Variants in CREB3L2 observed in about 807,000 individuals in gnomAD.
CREB3L2 encodes the protein cAMP responsive element binding protein 3 like 2.
CREB3L2 carries 23 observed loss-of-function variants against 57.2 expected under a neutral mutation model. The ratio of observed to expected loss-of-function variants is 0.40; its 90% confidence interval spans 0.29 to 0.57. The LOEUF (loss-of-function observed/expected upper bound fraction) is 0.57, where lower values mean the gene tolerates loss of function less well. Among genes scored for constraint, CREB3L2 ranks in the 20% least tolerant of loss-of-function variants. The probability of loss-of-function intolerance (pLI) is 0.42; values close to 1 mark genes in which losing one functional copy is unlikely to be tolerated. For synonymous variants in CREB3L2, 268 were observed against 265.1 expected, an observed-to-expected ratio of 1.01 and a Z score of -0.11; for missense variants, 628 against 634.7, an observed-to-expected ratio of 0.99 and a Z score of 0.11.
intron 2 of CREB3L2, among the ~76,000 whole-genome samples, chr7:137,923,218 C>G (rs1800375219): frequency 6.6e-6 from 1 of 152,108 alleles, no homozygotes. Flanking sequence ...ACATTGCTTT[C>G]TTATACTAAT....
At chr7:137,953,381 C>A in intron 1 of CREB3L2, 1 of 921,960 alleles carries the variant, frequency 1.1e-6, no homozygotes, top group Non-Finnish European at 1.5e-6. Flanking sequence ...AGCCTTCTAA[C>A]TTCTCTGCAC....
chr7:137,937,435 T>C (rs1282812218), intron 1 of CREB3L2, among the ~76,000 whole-genome samples: 1 of 152,174 alleles, frequency 6.6e-6, no homozygotes, highest in African/African-American at 2.4e-5. Flanking sequence ...AGAAGGGACC[T>C]GCCTTCAAAA....
Position 137,878,560 on chromosome 7 carries a change from T to C in CREB3L2, c.*1916A>G. The C allele has an allele frequency of 4.3e-6, 1 of 233,152 alleles. No individual in the cohort carries two copies. The highest frequency in any genetic ancestry group is 8.5e-6 in the Non-Finnish European group (1 of 118,176). 14.4% of individuals were successfully genotyped at this position (233,152 alleles called of 1,614,324 possible). ...CAGAAGCAGAACCTACTAGCAACCCTCCTCCTGCACAGCTCAGACAGTCTC... is the reference window on the plus strand; with the variant it reads ...CAGAAGCAGAACCTACTAGCAACCCCCCTCCTGCACAGCTCAGACAGTCTC... On this transcript the variant is annotated 3_prime_UTR_variant, in exon 12 of 12. Transcript: ENST00000330387.
At chr7:137,959,772 G>A (rs1006596873) in intron 1 of CREB3L2, among the ~76,000 whole-genome samples, 17 of 152,312 alleles carry the variant, frequency 1.1e-4, no homozygotes, top group African/African-American at 2.9e-4. Flanking sequence ...TAAATTATCC[G>A]AAGTAAACTG....
At chr7:137,888,916 G>A (rs1424381) in intron 8 of CREB3L2, among the ~76,000 whole-genome samples, 1,531 of 152,080 alleles carry the variant, frequency 0.01, 33 homozygotes, top group African/African-American at 0.034. Context: ...GCTTCAGTTA[G>A]TACCTTTCCA....
chr7:137,948,432 A>G (rs1801039948), intron 1 of CREB3L2, among the ~76,000 whole-genome samples: 1 of 152,186 alleles, frequency 6.6e-6, no homozygotes, highest in Non-Finnish European at 1.5e-5. Flanking sequence ...TAGCTTCTCC[A>G]TCTCCTCCAA....
At chr7:137,971,464 A>C (rs35010113) in intron 1 of CREB3L2, among the ~76,000 whole-genome samples, 4,560 of 151,566 alleles carry the variant, frequency 0.03, 282 homozygotes, top group Admixed American at 0.16. Flanking sequence ...AAAAAAAAAA[A>C]ATTTTGGATG....
intron 1 of CREB3L2, among the ~76,000 whole-genome samples, chr7:137,936,466 AGT>A (rs761433459): frequency 6.6e-6 from 1 of 152,066 alleles, no homozygotes; most frequent in African/African-American, 2.4e-5. Context: ...TGTGCATGTG[AGT>A]GTGTGAGTGC....
chr7:137,953,258 T>C (rs1801137705), intron 1 of CREB3L2: 3 of 360,646 alleles, frequency 8.3e-6, no homozygotes, highest in Admixed American at 3.7e-5. Context: ...CTGTAGTTTA[T>C]GTTAAGTGGG....
chr7:137,917,887 C>T (rs924664071), intron 2 of CREB3L2, among the ~76,000 whole-genome samples: 3 of 152,050 alleles, frequency 2.0e-5, no homozygotes, highest in Non-Finnish European at 4.4e-5. Context: ...GGATTTCCAT[C>T]CTTCATGGGG....
At chr7:137,950,166 T>C (rs1331315897) in intron 1 of CREB3L2, among the ~76,000 whole-genome samples, 1 of 152,066 alleles carries the variant, frequency 6.6e-6, no homozygotes, top group Non-Finnish European at 1.5e-5. Context: ...CTCTTTCCAA[T>C]ACACCATATG....
At chr7:137,956,286 T>A (rs773363323) in intron 1 of CREB3L2, among the ~76,000 whole-genome samples, 2 of 152,230 alleles carry the variant, frequency 1.3e-5, no homozygotes, top group African/African-American at 2.4e-5. Context: ...TAATTGAACA[T>A]TTTCATTATA....
intron 7 of CREB3L2, among the ~76,000 whole-genome samples, chr7:137,901,874 C>CAAAAAAAAAAAAA (rs59855306): frequency 1.4e-4 from 8 of 57,800 alleles, no homozygotes; most frequent in African/African-American, 3.6e-4. Context: ...AGATCTGTCT[C>CAAAAAAAAAAAAA]AAAAAAAAAA....
In CREB3L2 at chr7:137,891,683, C is replaced by A. The variant is rs568307556; in HGVS notation, c.1044-6181G>T. 1.3e-4 allele frequency among the ~76,000 whole-genome samples: 20 copies of A among 152,220 alleles called. No individual in the cohort carries two copies. In the South Asian group the frequency reaches 4.2e-3, roughly 32 times the overall value. The stretch of plus-strand genomic sequence containing the variant: ...CTCCGCCTCCCAGGTTCAAGCAATT[C>A]TCCTGTGTCAGCCTCCTGAGTAGCT... On this transcript the variant is annotated intron_variant, in intron 8 of 11. Coordinates refer to ENST00000330387, the MANE Select transcript of CREB3L2 (RefSeq NM_194071.4).
chr7:137,911,895 T>A (rs1024476647), intron 4 of CREB3L2, among the ~76,000 whole-genome samples: 8 of 151,910 alleles, frequency 5.3e-5, no homozygotes, highest in South Asian at 2.1e-4. Flanking sequence ...ATGGCATGAG[T>A]GAAGGCACAG....
At chr7:137,944,054 T>A (rs35988674) in intron 1 of CREB3L2, among the ~76,000 whole-genome samples, 13,792 of 152,208 alleles carry the variant, frequency 0.091, 918 homozygotes, top group Admixed American at 0.22. Flanking sequence ...CCCACCAATA[T>A]CCAAATGCCC....
chr7:137,952,834 G>T (rs945292639), intron 1 of CREB3L2, among the ~76,000 whole-genome samples: 1 of 151,778 alleles, frequency 6.6e-6, no homozygotes, highest in Admixed American at 6.6e-5. Context: ...TTTTAGACGG[G>T]GTCTCTCTCT....
chr7:138,001,761 G>T lies in CREB3L2; in HGVS notation c.-56C>A. On this transcript the variant is annotated 5_prime_UTR_variant, in exon 1 of 12. Coordinates refer to ENST00000330387, the MANE Select transcript of CREB3L2 (RefSeq NM_194071.4). The surrounding 1 kb of genome is among the most constrained non-coding windows in gnomAD (Gnocchi z 4.2). ...CTAAGCGCAGGAGGGGACGCGCAGA[G>T]CTGCCTCGGACCGGCAAGGTTCCTC... 1 of 1,311,900 alleles carries T rather than the reference G, an allele frequency of 7.6e-7. No homozygotes were observed. The allele number at this position is 1,311,900 out of a possible 1,614,324, so 81.3% of individuals were successfully genotyped here.
intron 1 of CREB3L2, among the ~76,000 whole-genome samples, chr7:137,945,075 T>A (rs528311785): frequency 1.3e-5 from 2 of 152,260 alleles, no homozygotes; most frequent in East Asian, 3.9e-4. Context: ...GTATTTTTAG[T>A]AGAGACTGGG....
Sources: gnomAD v4.1 joint callset for allele counts (sites outside exome capture counted in the v4.1 genomes callset) on GRCh38, gnomAD v4.1.1 for gene constraint, Gnocchi (gnomAD v3.1) non-coding constraint, MANE v1.5 for transcripts, NCBI Gene and HGNC (gene_info 2026-07-23, HGNC 2026-07-21) for gene names.